COIL: variants seen among roughly 807,000 people sequenced by gnomAD.
The protein encoded by COIL is coilin, also known as coilin p80.
Under a neutral mutation model 51.6 loss-of-function variants are expected in COIL, and 28 were observed. The observed-to-expected ratio is 0.54, with a 90% CI of 0.40 to 0.74. COIL has a LOEUF of 0.74. Ranked by LOEUF, COIL falls within the 30% of genes least tolerant of loss-of-function variation. The pLI is 0.00. For synonymous variants in COIL, 233 were observed against 255.8 expected (o/e 0.91, Z 0.85); for missense variants, 667 against 685.9 (o/e 0.97, Z 0.31).
At chr17:56,948,729 A>T (rs1054115643) in intron 4 of COIL, among the ~76,000 whole-genome samples, 2 of 150,864 alleles carry the variant, frequency 1.3e-5, no homozygotes, top group African/African-American at 4.9e-5. Context: ...AAAGACTCAT[A>T]CAGATATTAA....
At chr17:56,946,627 ATTTTAT>A in intron 4 of COIL, 116 bp from the exon 5 acceptor site, 2 of 641,312 alleles carry the variant, frequency 3.1e-6, no homozygotes, top group Non-Finnish European at 5.3e-6. Context: ...TGTTATGTGA[ATTTTAT>A]CTCAGTTGAA....
At chr17:56,953,567 C>A (rs1444634626) in intron 1 of COIL, among the ~76,000 whole-genome samples, 1 of 152,074 alleles carries the variant, frequency 6.6e-6, no homozygotes, top group African/African-American at 2.4e-5. Context: ...ATTATACTTA[C>A]AAGGCATTTA....
At chr17:56,946,659 T>C in intron 4 of COIL, 148 bp from the exon 5 acceptor site, 1 of 564,434 alleles carries the variant, frequency 1.8e-6, no homozygotes, top group East Asian at 2.9e-5. Flanking sequence ...TAGAAATAAA[T>C]CCACATATAG....
intron 4 of COIL, among the ~76,000 whole-genome samples, chr17:56,947,606 G>C (rs920095106): frequency 2.0e-5 from 3 of 151,970 alleles, no homozygotes; most frequent in African/African-American, 7.3e-5. Flanking sequence ...GAGTAGCTGG[G>C]GCTACAGGTG....
chr17:56,950,571 C>T lies in COIL; in HGVS notation c.671G>A (p.Arg224Lys), dbSNP rs1428801720. 1.9e-6 allele frequency: 3 copies of T among 1,614,136 alleles called. No homozygotes were observed. ...QRCSSPKGSA[R>K]NSLVKAKRKG... Reference sequence around the variant, plus strand: ...CCTTTTGGCTTTAACAAGGCTGTTTCTAGCAGAACCTTTTGGAGAACTACA... The same window carrying T: ...CCTTTTGGCTTTAACAAGGCTGTTTTTAGCAGAACCTTTTGGAGAACTACA... The change falls in exon 2 of 7, where the codon AGA becomes AAA. Residue 224 changes from arginine to lysine, a missense_variant. Arg to Lys is a conservative substitution (Grantham distance 26, BLOSUM62 2). Coordinates refer to ENST00000240316, the MANE Select transcript of COIL (RefSeq NM_004645.3).
rs745560109 is a variant in COIL, at chr17:56,939,125, G to A, written c.1677C>T (p.Asp559=). The part of the protein sequence containing the change: ...KITVFWKELI[D]PRLIIESPSN... ...TTGGAGATTCAATAATCAGTCTTGG[G>A]TCAATCAACTCTTTCCAAAATACAG... Residue 559 remains aspartate, a synonymous_variant, in exon 7 of 7, where the codon GAC becomes GAT. Coordinates refer to ENST00000240316, the MANE Select transcript of COIL (RefSeq NM_004645.3). The A allele has an allele frequency of 1.2e-5, 19 of 1,604,350 alleles. 1 individual carries two copies. Among genetic ancestry groups the A allele is most frequent in the Admixed American group, 1.7e-5 (1 of 59,922 alleles).
In COIL at chr17:56,949,763, G is replaced by A; in HGVS notation, c.1358C>T (p.Pro453Leu). ...ATAGTCCTTCTTGGGTGTCTCTACT[G>A]GATTCTGAAAAACAGTGTTAGTCAT... ...VKNSSTIIQNPVETPKKDYSL... is the reference protein window; with the variant it reads ...VKNSSTIIQNLVETPKKDYSL... The change falls in exon 3 of 7, where the codon CCA (proline) becomes CTA (leucine). Residue 453 changes from proline to leucine, a missense_variant. Transcript: ENST00000240316. 1 of 1,613,958 alleles carries A rather than the reference G, an allele frequency of 6.2e-7. No individual in the cohort carries two copies. Among genetic ancestry groups the A allele is most frequent in the Non-Finnish European group, 8.5e-7 (1 of 1,179,872 alleles).
intron 4 of COIL, among the ~76,000 whole-genome samples, chr17:56,947,206 T>A (rs1409615108): frequency 1.3e-5 from 2 of 152,140 alleles, no homozygotes; most frequent in African/African-American, 2.4e-5. Flanking sequence ...CAGTTTTTTT[T>A]AAAACCAGAC....
chr17:56,946,277 T>C (rs533864633), intron 5 of COIL, among the ~76,000 whole-genome samples, 165 bp downstream of exon 5: 35 of 152,344 alleles, frequency 2.3e-4, no homozygotes, highest in Admixed American at 8.5e-4. Context: ...CTTTGGAATA[T>C]ATCCAACATC....
chr17:56,956,575 A>C (rs934400686), intron 1 of COIL, among the ~76,000 whole-genome samples: 1 of 151,620 alleles, frequency 6.6e-6, no homozygotes, highest in Non-Finnish European at 1.5e-5. Flanking sequence ...CATTTAATCA[A>C]TGTGTTTTTT....
intron 1 of COIL, among the ~76,000 whole-genome samples, chr17:56,953,328 G>A (rs7226124): frequency 0.86 from 129,428 of 149,634 alleles, 56,246 homozygotes; most frequent in East Asian, 0.99. Context: ...GGAGAATGGC[G>A]TGAACCTGGG....
At chr17:56,952,375 G>A in intron 1 of COIL, 1 of 432,570 alleles carries the variant, frequency 2.3e-6, no homozygotes, top group Non-Finnish European at 4.4e-6. Flanking sequence ...AAAACACATA[G>A]GAAGAAAAAT....
At chr17:56,953,244 T>C (rs570581999) in intron 1 of COIL, among the ~76,000 whole-genome samples, 3 of 151,858 alleles carry the variant, frequency 2.0e-5, no homozygotes, top group African/African-American at 4.8e-5. Flanking sequence ...ACCCCGTCTC[T>C]ACTAAAAATA....
At chr17:56,955,482 A>G (rs911503288) in intron 1 of COIL, among the ~76,000 whole-genome samples, 3 of 152,366 alleles carry the variant, frequency 2.0e-5, no homozygotes, top group Middle Eastern at 6.8e-3. Context: ...AAACACTGAC[A>G]TGCCCATCTG....
At chr17:56,955,430 C>T (rs975816915) in intron 1 of COIL, among the ~76,000 whole-genome samples, 1 of 152,164 alleles carries the variant, frequency 6.6e-6, no homozygotes, top group African/African-American at 2.4e-5. Context: ...CTAAGTCCAC[C>T]CTTAAAATCT....
rs779209117 is a variant in COIL at position 56,949,872 on chromosome 17, C to T, written c.1353+17G>A. On this transcript the variant is annotated intron_variant, in intron 2 of 6. Transcript: ENST00000240316. ...AAGGGGAAAGGGAGGAGATAACTTA[C>T]AAAAAATAATACTTACCTGGATAAT... 1 of 1,609,162 alleles carries T rather than the reference C, an allele frequency of 6.2e-7. No homozygotes were observed. The highest frequency in any genetic ancestry group is 1.7e-5 in the Admixed American group (1 of 59,060).
At chr17:56,954,453 C>T (rs1567854307) in intron 1 of COIL, among the ~76,000 whole-genome samples, 3 of 151,906 alleles carry the variant, frequency 2.0e-5, no homozygotes, top group Non-Finnish European at 4.4e-5. Flanking sequence ...CCCAGCTACT[C>T]GGGAAGCTGA....
chr17:56,957,104 T>C (rs949821289), intron 1 of COIL, among the ~76,000 whole-genome samples: 1 of 151,326 alleles, frequency 6.6e-6, no homozygotes, highest in Non-Finnish European at 1.5e-5. Context: ...ACCTCTCTAC[T>C]AAAAATAAAA....
chr17:56,939,361 G>A (rs750530778), intron 6 of COIL, among the ~76,000 whole-genome samples: 11 of 152,072 alleles, frequency 7.2e-5, no homozygotes, highest in Non-Finnish European at 1.3e-4. Flanking sequence ...TTGGAAGGCC[G>A]AGGGGGAGAA....
Sources: allele counts gnomAD v4.1 joint callset (sites outside exome capture counted in the v4.1 genomes callset), GRCh38; gene constraint gnomAD v4.1.1; transcripts MANE v1.5; gene names NCBI Gene and HGNC (gene_info 2026-07-23, HGNC 2026-07-21).